Variants in STAG1 observed in about 807,000 individuals in gnomAD.
STAG1 encodes the protein cohesin subunit SA-1.
A neutral mutation model predicts 170.9 loss-of-function variants in STAG1; 26 were observed. That is an observed-to-expected ratio of 0.15 (90% CI 0.11 to 0.21). The LOEUF (loss-of-function observed/expected upper bound fraction) is 0.21, where lower values mean the gene tolerates loss of function less well. Ranked by LOEUF, STAG1 falls within the 10% of genes least tolerant of loss-of-function variation. The pLI, the probability that STAG1 is intolerant of heterozygous loss-of-function variation, is 1.00. For missense variants in STAG1, 964 were observed against 1,509.5 expected, an observed-to-expected ratio of 0.64 and a Z score of 5.99; for synonymous variants, 514 against 497.7, an observed-to-expected ratio of 1.03 and a Z score of -0.44.
chr3:136,437,241 A>G (rs1429259901), intron 15 of STAG1, among the ~76,000 whole-genome samples: 1 of 152,258 alleles, frequency 6.6e-6, no homozygotes, highest in Non-Finnish European at 1.5e-5. Context: ...ACAGTGTTCA[A>G]TTCCATCAAT....
chr3:136,385,370 A>AT (rs2086844242), intron 22 of STAG1, among the ~76,000 whole-genome samples: 1 of 152,044 alleles, frequency 6.6e-6, no homozygotes, highest in Non-Finnish European at 1.5e-5. Flanking sequence ...AGCCTGGGAG[A>AT]TTGAGGCTGC....
intron 9 of STAG1, among the ~76,000 whole-genome samples, chr3:136,497,061 C>G (rs1933147058): frequency 6.6e-6 from 1 of 151,842 alleles, no homozygotes; most frequent in Admixed American, 6.6e-5. Context: ...TCAGGAACAA[C>G]AGATAACCTC....
chr3:136,416,000 T>A (rs2087760097), intron 21 of STAG1, among the ~76,000 whole-genome samples: 1 of 150,814 alleles, frequency 6.6e-6, no homozygotes, highest in Non-Finnish European at 1.5e-5. Flanking sequence ...TTAACAAAGT[T>A]AAAGCCATAA....
intron 6 of STAG1, among the ~76,000 whole-genome samples, chr3:136,522,316 G>T (rs1283526983): frequency 6.6e-6 from 1 of 152,176 alleles, no homozygotes; most frequent in Non-Finnish European, 1.5e-5. Flanking sequence ...GTAACAAAAA[G>T]CAGACACTAC....
intron 3 of STAG1, among the ~76,000 whole-genome samples, chr3:136,618,187 G>A (rs34438032): frequency 0.34 from 52,067 of 151,596 alleles, 11,223 homozygotes; most frequent in East Asian, 0.81. Flanking sequence ...GACTCATTCC[G>A]ATCACCTGCT....
intron 14 of STAG1, among the ~76,000 whole-genome samples, chr3:136,447,222 C>T (rs1324071454): frequency 1.3e-5 from 2 of 151,872 alleles, no homozygotes; most frequent in East Asian, 2.0e-4. Context: ...TGGTGGCTCA[C>T]GCCTGTAATC....
intron 1 of STAG1, among the ~76,000 whole-genome samples, chr3:136,660,303 T>A (rs755238767): frequency 1.3e-5 from 2 of 152,114 alleles, no homozygotes; most frequent in Non-Finnish European, 2.9e-5. Context: ...TTCAAAAACT[T>A]GTCTCTGCAA....
chr3:136,701,088 G>T (rs1368339083), intron 1 of STAG1, among the ~76,000 whole-genome samples: 1 of 151,372 alleles, frequency 6.6e-6, no homozygotes, highest in Non-Finnish European at 1.5e-5. Context: ...CACCACGTTG[G>T]CCAGGCTGGT....
At chr3:136,601,213 C>G (rs560457249) in intron 4 of STAG1, among the ~76,000 whole-genome samples, 3 of 152,090 alleles carry the variant, frequency 2.0e-5, no homozygotes, top group East Asian at 1.9e-4. Flanking sequence ...CAAATAAAAT[C>G]TAGTTAAATA....
At chr3:136,354,647 T>C (rs1265254956) in intron 28 of STAG1, among the ~76,000 whole-genome samples, 2 of 148,860 alleles carry the variant, frequency 1.3e-5, no homozygotes, top group Non-Finnish European at 3.0e-5. Context: ...GTAAGGCCAC[T>C]AGGAAAATAA....
At chr3:136,517,770 C>G (rs1222246323) in intron 7 of STAG1, among the ~76,000 whole-genome samples, 1 of 151,986 alleles carries the variant, frequency 6.6e-6, no homozygotes, top group Non-Finnish European at 1.5e-5. Context: ...CTATGTCCCA[C>G]TGAGATAGCT....
intron 20 of STAG1, 56 bp downstream of exon 20, chr3:136,421,037 T>C (rs2087939607): frequency 6.4e-6 from 7 of 1,090,798 alleles, no homozygotes; most frequent in Non-Finnish European, 9.3e-6. Flanking sequence ...TCTCAAAGTG[T>C]TGGGGTTACA....
In STAG1 at chr3:136,376,067, G is replaced by C. The variant is rs528906761; in HGVS notation, c.2370+1593C>G. 6.1e-5 allele frequency among the ~76,000 whole-genome samples: 3 copies of C among 49,472 alleles called. No homozygotes were observed. In the South Asian group the frequency reaches 3.0e-3, roughly 49 times the overall value. 32.5% of individuals were successfully genotyped at this position (49,472 alleles called of 152,430 possible). A position where few individuals can be genotyped will look rare whatever the true frequency, so the allele number is the denominator to read the frequency against. Reference sequence around the variant, plus strand: ...AAAATAAAACAAAATAAAATAAATGGCAGAGCTGGGTATTTCTCCATAAGT... The same window carrying C: ...AAAATAAAACAAAATAAAATAAATGCCAGAGCTGGGTATTTCTCCATAAGT... On this transcript the variant is annotated intron_variant, in intron 23 of 33. Transcript: ENST00000383202.
chr3:136,713,127 A>G (rs1407883064), intron 1 of STAG1, among the ~76,000 whole-genome samples: 1 of 152,134 alleles, frequency 6.6e-6, no homozygotes. Context: ...CAGCAGTAAT[A>G]CTTACAATGG....
chr3:136,357,738 C>T lies in STAG1; in HGVS notation c.3047G>A (p.Arg1016Gln). 3 of 1,603,058 alleles carry T rather than the reference C, an allele frequency of 1.9e-6. No individual in the cohort carries two copies. The highest frequency in any genetic ancestry group is 2.2e-5 in the East Asian group (1 of 44,496). The stretch of plus-strand genomic sequence containing the variant: ...AACTTACACTGTCTTTTTGTCCTGT[C>T]GAAGAAGTTTAGAAGAAAATTCACT... ...VLSEFSSKLL[R>Q]QDKKTVHSYL... Residue 1016 changes from arginine (R) to glutamine (Q), a missense_variant, in exon 28 of 34, where the codon CGA (arginine) becomes CAA (glutamine). Arg to Gln is a conservative substitution (Grantham distance 43, BLOSUM62 1). Around this residue, in one of 11 missense-constraint regions of STAG1, gnomAD observed 149 missense variants for 301.3 expected, o/e 0.49. Coordinates refer to ENST00000383202, the MANE Select transcript of STAG1 (RefSeq NM_005862.3).
At chr3:136,615,078 G>A (rs1939517124) in intron 3 of STAG1, among the ~76,000 whole-genome samples, 1 of 151,904 alleles carries the variant, frequency 6.6e-6, no homozygotes, top group Non-Finnish European at 1.5e-5. Flanking sequence ...AGCAGGAAAA[G>A]TTTCACAAAA....
At chr3:136,525,071 C>T (rs1934932580) in intron 6 of STAG1, among the ~76,000 whole-genome samples, 1 of 152,020 alleles carries the variant, frequency 6.6e-6, no homozygotes, top group Non-Finnish European at 1.5e-5. Context: ...TTTGTTATGT[C>T]TCTGCCAGGC....
chr3:136,719,004 A>G (rs1009803356), intron 1 of STAG1, among the ~76,000 whole-genome samples: 3 of 152,220 alleles, frequency 2.0e-5, no homozygotes, highest in Non-Finnish European at 4.4e-5. Flanking sequence ...TTCTTAAAAT[A>G]TTAAACATAA....
rs1935772732 is a variant in STAG1 at position 136,338,078 on chromosome 3, C to G, written c.*176G>C. ...CTGAGTTGACATTCACCAACATTCC[C>G]TTGGGTAATTTACATGCTCCTCTTC... On this transcript the variant is annotated 3_prime_UTR_variant, in exon 34 of 34. Coordinates refer to ENST00000383202, the MANE Select transcript of STAG1 (RefSeq NM_005862.3). The G allele has an allele frequency of 1.7e-6, 1 of 573,478 alleles. No individual in the cohort carries two copies. The highest frequency in any genetic ancestry group is 1.9e-5 in the African/African-American group (1 of 52,706). The allele number at this position is 573,478 out of a possible 1,614,324, so 35.5% of individuals were successfully genotyped here.
Sources: gnomAD v4.1 joint callset for allele counts (sites outside exome capture counted in the v4.1 genomes callset) on GRCh38, gnomAD v4.1.1 for gene constraint, gnomAD v4.1.1 regional missense constraint, MANE v1.5 for transcripts, NCBI Gene and HGNC (gene_info 2026-07-23, HGNC 2026-07-21) for gene names.